Variants in NLGN1 observed in about 807,000 individuals in gnomAD.
The protein encoded by NLGN1 is neuroligin 1.
In NLGN1, 12 loss-of-function variants were observed where a neutral mutation model predicts 65.5. The observed-to-expected ratio is 0.18, with a 90% CI of 0.12 to 0.30. NLGN1 has a LOEUF of 0.30. Among genes scored for constraint, NLGN1 ranks in the 10% least tolerant of loss-of-function variants. The pLI is 1.00. For missense variants in NLGN1, 750 were observed against 1,007.1 expected (o/e 0.74, Z 3.46); for synonymous variants, 350 against 359.5 (o/e 0.97, Z 0.30).
chr3:173,464,892 C>G (rs1247212785), intron 2 of NLGN1, among the ~76,000 whole-genome samples: 2 of 132,184 alleles, frequency 1.5e-5, no homozygotes, highest in African/African-American at 5.4e-5. Flanking sequence ...TATTTTTTTT[C>G]TAAATTATTT....
At chr3:174,253,691 G>A (rs191749254) in intron 4 of NLGN1, among the ~76,000 whole-genome samples, 1 of 152,276 alleles carries the variant, frequency 6.6e-6, no homozygotes, top group East Asian at 1.9e-4. Flanking sequence ...TGAGCTTAAT[G>A]TGAGGGCACC....
At chr3:173,596,942 T>A (rs1339497755) in intron 2 of NLGN1, among the ~76,000 whole-genome samples, 1 of 152,212 alleles carries the variant, frequency 6.6e-6, no homozygotes, top group Non-Finnish European at 1.5e-5. Flanking sequence ...CTTTACTTCC[T>A]TATCCCCAAC....
At chr3:174,074,827 G>A (rs947487687) in intron 4 of NLGN1, among the ~76,000 whole-genome samples, 4 of 152,158 alleles carry the variant, frequency 2.6e-5, no homozygotes, top group Non-Finnish European at 5.9e-5. Flanking sequence ...CAAAAGTTAA[G>A]CAGTCCGTTA....
intron 4 of NLGN1, among the ~76,000 whole-genome samples, chr3:173,831,294 G>T (rs1031211233): frequency 1.3e-5 from 2 of 151,792 alleles, no homozygotes; most frequent in African/African-American, 4.8e-5. Context: ...ATTTGAAAAA[G>T]GTATATATCA....
chr3:173,598,044 GTTCT>G (rs1749791944), intron 2 of NLGN1, among the ~76,000 whole-genome samples: 1 of 152,026 alleles, frequency 6.6e-6, no homozygotes, highest in South Asian at 2.1e-4. Context: ...CCTTTTTACA[GTTCT>G]TTATTTATTA....
At position 173,919,984 on chromosome 3, in the gene NLGN1, T is replaced by G. The variant is rs893086953; in HGVS notation, c.646+112152T>G. 2.0e-5 allele frequency among the ~76,000 whole-genome samples: 3 copies of G among 152,218 alleles called. No homozygotes were observed. In the East Asian group the frequency reaches 5.8e-4, roughly 29 times the overall value. On this transcript the variant is annotated intron_variant, in intron 4 of 6. Coordinates refer to ENST00000457714, the Ensembl canonical transcript of NLGN1. ...TCAAAGGAGAATGCTGGGATGCTAT[T>G]TTTTAAAAAAATATTTTAGTCATAG... is the stretch of plus-strand genomic sequence containing the variant.
At chr3:173,847,989 A>G (rs1726120712) in intron 4 of NLGN1, among the ~76,000 whole-genome samples, 1 of 152,192 alleles carries the variant, frequency 6.6e-6, no homozygotes, top group Non-Finnish European at 1.5e-5. Flanking sequence ...AAACAAATAT[A>G]TTCGTTTTCC....
intron 4 of NLGN1, among the ~76,000 whole-genome samples, chr3:174,156,435 CGAAAT>C (rs1310836975): frequency 1.3e-5 from 2 of 151,480 alleles, no homozygotes; most frequent in Non-Finnish European, 2.9e-5. Flanking sequence ...TGCCCATTCT[CGAAAT>C]GAAAGTAAGA....
intron 3 of NLGN1, among the ~76,000 whole-genome samples, chr3:173,699,127 A>T (rs114364126): frequency 0.028 from 4,338 of 152,280 alleles, 88 homozygotes; most frequent in Middle Eastern, 0.054. Context: ...AAATGCTGGG[A>T]TTACAAGCGT....
chr3:173,480,539 A>T (rs531184341), intron 2 of NLGN1, among the ~76,000 whole-genome samples: 3 of 152,290 alleles, frequency 2.0e-5, no homozygotes, highest in African/African-American at 4.8e-5. Flanking sequence ...TCTGGATAAT[A>T]CTAAGACAGA....
At chr3:174,236,871 G>A (rs1288782008) in intron 4 of NLGN1, among the ~76,000 whole-genome samples, 1 of 151,922 alleles carries the variant, frequency 6.6e-6, no homozygotes, top group African/African-American at 2.4e-5. Context: ...CTTACTTTTA[G>A]TTTCCCAGTT....
At chr3:173,494,084 T>C (rs1183911698) in intron 2 of NLGN1, among the ~76,000 whole-genome samples, 1 of 150,966 alleles carries the variant, frequency 6.6e-6, no homozygotes, top group Admixed American at 6.6e-5. Context: ...GTTTTTCCCA[T>C]TCCTTCACAA....
chr3:174,104,655 T>A (rs1173823213), intron 4 of NLGN1, among the ~76,000 whole-genome samples: 2 of 152,190 alleles, frequency 1.3e-5, no homozygotes, highest in African/African-American at 2.4e-5. Context: ...AATTTTGTTG[T>A]ATTGTTCTAA....
chr3:173,461,269 T>C (rs1723329829), intron 2 of NLGN1, among the ~76,000 whole-genome samples: 1 of 152,282 alleles, frequency 6.6e-6, no homozygotes, highest in East Asian at 1.9e-4. Flanking sequence ...CTAGGGGAAT[T>C]TTATATTCTA....
intron 3 of NLGN1, among the ~76,000 whole-genome samples, chr3:173,748,565 C>G (rs1412368707): frequency 6.6e-6 from 1 of 152,170 alleles, no homozygotes; most frequent in African/African-American, 2.4e-5. Context: ...AGGATGAATG[C>G]AAGAAATTGG....
intron 3 of NLGN1, among the ~76,000 whole-genome samples, chr3:173,778,080 G>A (rs1780581612): frequency 6.6e-6 from 1 of 151,692 alleles, no homozygotes; most frequent in Non-Finnish European, 1.5e-5. Context: ...CTTGGTACCT[G>A]CAAGGTCATT....
chr3:173,955,420 C>T (rs1487236889), intron 4 of NLGN1, among the ~76,000 whole-genome samples: 1 of 151,790 alleles, frequency 6.6e-6, no homozygotes, highest in African/African-American at 2.4e-5. Flanking sequence ...TATTTTTCCC[C>T]TTACAAAATA....
At chr3:173,465,602 A>C (rs1442213992) in intron 2 of NLGN1, among the ~76,000 whole-genome samples, 1 of 152,228 alleles carries the variant, frequency 6.6e-6, no homozygotes, top group Non-Finnish European at 1.5e-5. Context: ...ATAAGACAAA[A>C]TTCATAGAAG....
At chr3:174,004,661 A>G (rs553704641) in intron 4 of NLGN1, among the ~76,000 whole-genome samples, 1 of 152,288 alleles carries the variant, frequency 6.6e-6, no homozygotes, top group African/African-American at 2.4e-5. Flanking sequence ...TCTGAATGCA[A>G]AGATGATAAT....
Sources: allele counts gnomAD v4.1 joint callset (sites outside exome capture counted in the v4.1 genomes callset), GRCh38; gene constraint gnomAD v4.1.1; transcripts MANE v1.5; gene names NCBI Gene and HGNC (gene_info 2026-07-23, HGNC 2026-07-21).